Variants in CREB5 observed in about 807,000 individuals in gnomAD.
CREB5 encodes cyclic AMP-responsive element-binding protein 5.
CREB5 carries 19 observed loss-of-function variants against 57.1 expected under a neutral mutation model. The observed-to-expected ratio is 0.33, with a 90% CI of 0.23 to 0.49. The LOEUF is 0.49. CREB5 is among the 20% of genes least tolerant of loss of function. The pLI is 0.99. For missense variants in CREB5, 579 were observed against 671.6 expected (o/e 0.86, Z 1.52); for synonymous variants, 238 against 238.3 (o/e 1.00, Z 0.01).
intron 4 of CREB5, among the ~76,000 whole-genome samples, chr7:28,560,929 CGTGT>C (rs1425241012): frequency 0.013 from 407 of 30,304 alleles, 26 homozygotes; most frequent in Admixed American, 0.042. Flanking sequence ...TGTGCGCGTG[CGTGT>C]GTGCGTGCGT....
intron 5 of CREB5, among the ~76,000 whole-genome samples, chr7:28,676,523 G>A (rs1800329750): frequency 6.6e-6 from 1 of 152,146 alleles, no homozygotes; most frequent in Admixed American, 6.5e-5. Context: ...TTTTGGGTCT[G>A]TGGATAGACT....
At chr7:28,609,563 A>G (rs1279605785) in intron 5 of CREB5, among the ~76,000 whole-genome samples, 1 of 152,232 alleles carries the variant, frequency 6.6e-6, no homozygotes, top group East Asian at 1.9e-4. Flanking sequence ...TCTTCAGCTT[A>G]AAGACAACTG....
In CREB5 at chr7:28,504,286, A is replaced by C. The variant is rs552718107; in HGVS notation, c.170-3330A>C. 3.7e-4 allele frequency among the ~76,000 whole-genome samples: 56 copies of C among 152,334 alleles called. 1 individual carries two copies. The South Asian group carries it at 0.012, about 32-fold the overall frequency. On this transcript the variant is annotated intron_variant, in intron 3 of 10. Coordinates refer to ENST00000357727, the MANE Select transcript of CREB5 (RefSeq NM_182898.4). ...GACCTGAAGATGGTGTGCAATCTCCATGGCCATAAATTAAAATTCTTGTAA... is the reference window on the plus strand; with the variant it reads ...GACCTGAAGATGGTGTGCAATCTCCCTGGCCATAAATTAAAATTCTTGTAA...
intron 5 of CREB5, among the ~76,000 whole-genome samples, chr7:28,643,754 G>GGC (rs923779501): frequency 6.5e-5 from 6 of 91,612 alleles, no homozygotes; most frequent in Admixed American, 1.3e-4. Context: ...TGGGAGGTGG[G>GGC]GGGGGGCGGA....
At chr7:28,472,364 C>A (rs1790860016) in intron 1 of CREB5, among the ~76,000 whole-genome samples, 1 of 152,020 alleles carries the variant, frequency 6.6e-6, no homozygotes, top group Non-Finnish European at 1.5e-5. Context: ...TGTGTATATG[C>A]TCATTTAATC....
chr7:28,777,022 T>C (rs1019205018), intron 7 of CREB5, among the ~76,000 whole-genome samples: 9 of 152,344 alleles, frequency 5.9e-5, no homozygotes, highest in Admixed American at 5.2e-4. Context: ...GCACAAGTTT[T>C]TATGTGAACA....
At chr7:28,476,507 CTA>C (rs972256880) in intron 1 of CREB5, among the ~76,000 whole-genome samples, 1 of 151,514 alleles carries the variant, frequency 6.6e-6, no homozygotes, top group African/African-American at 2.4e-5. Context: ...TCTATATCAC[CTA>C]TAGTCTCTTT....
At chr7:28,800,582 G>GT (rs1393167171) in intron 7 of CREB5, among the ~76,000 whole-genome samples, 2 of 152,212 alleles carry the variant, frequency 1.3e-5, no homozygotes, top group African/African-American at 4.8e-5. Context: ...TAGGGGAAAT[G>GT]TAAGTGTCAG....
intron 5 of CREB5, among the ~76,000 whole-genome samples, chr7:28,664,312 C>T (rs1246597139): frequency 6.6e-6 from 1 of 152,204 alleles, no homozygotes; most frequent in East Asian, 1.9e-4. Context: ...AGAGCCAATT[C>T]AGCCCTTCAA....
At chr7:28,429,425 T>C (rs1788630280) in intron 1 of CREB5, among the ~76,000 whole-genome samples, 1 of 152,232 alleles carries the variant, frequency 6.6e-6, no homozygotes, top group Non-Finnish European at 1.5e-5. Context: ...ATCTGGCACA[T>C]GGCAGACACT....
chr7:28,463,039 C>A (rs1023829469), intron 1 of CREB5, among the ~76,000 whole-genome samples: 4 of 152,150 alleles, frequency 2.6e-5, no homozygotes, highest in Non-Finnish European at 4.4e-5. Context: ...TCTATGATTT[C>A]TTCTAAGAGT....
chr7:28,803,148 G>C (rs978057541), intron 7 of CREB5, among the ~76,000 whole-genome samples: 32 of 152,186 alleles, frequency 2.1e-4, no homozygotes, highest in African/African-American at 7.0e-4. Flanking sequence ...TTTTGTGTTA[G>C]AAATACATCT....
At chr7:28,772,765 C>T (rs1806397389) in intron 7 of CREB5, among the ~76,000 whole-genome samples, 1 of 152,168 alleles carries the variant, frequency 6.6e-6, no homozygotes, top group Non-Finnish European at 1.5e-5. Flanking sequence ...CTTGTCCAGG[C>T]TCACTCAGGT....
In CREB5 at chr7:28,435,280, C is replaced by T. The variant is rs537838323; in HGVS notation, c.3+22363C>T. Among the ~76,000 whole-genome samples the T allele has an allele frequency of 2.0e-5, 3 of 151,874 alleles. No individual in the cohort carries two copies. The South Asian group carries it at 6.2e-4, about 32-fold the overall frequency. On this transcript the variant is annotated intron_variant, in intron 1 of 10. Transcript: ENST00000357727. ...AGGAGGGGGGTGGATCGTTAAAAGCCTTGTGTGGGCTTGTGAAAATTCAGT... is the reference window on the plus strand; with the variant it reads ...AGGAGGGGGGTGGATCGTTAAAAGCTTTGTGTGGGCTTGTGAAAATTCAGT...
intron 5 of CREB5, among the ~76,000 whole-genome samples, chr7:28,668,561 G>A (rs898987275): frequency 1.3e-5 from 2 of 151,892 alleles, no homozygotes; most frequent in African/African-American, 4.8e-5. Context: ...AAAAAATACT[G>A]ATTTAATCTT....
intron 1 of CREB5, among the ~76,000 whole-genome samples, chr7:28,330,401 C>CTTTTTTTTTTTTT (rs10699932): frequency 5.1e-4 from 45 of 88,514 alleles, no homozygotes; most frequent in African/African-American, 7.3e-4. Flanking sequence ...GAGAACCTTA[C>CTTTTTTTTTTTTT]TTTTTTTTTT....
At chr7:28,379,874 G>A (rs1414561459) in intron 1 of CREB5, among the ~76,000 whole-genome samples, 1 of 152,194 alleles carries the variant, frequency 6.6e-6, no homozygotes, top group Non-Finnish European at 1.5e-5. Context: ...AAATTCTGCA[G>A]GAGGAGTTCG....
At chr7:28,315,186 C>T (rs79860088) in intron 1 of CREB5, among the ~76,000 whole-genome samples, 1,907 of 152,328 alleles carry the variant, frequency 0.013, 11 homozygotes, top group African/African-American at 0.018. Context: ...GCAACGACTT[C>T]CTGTGGGCAC....
chr7:28,359,742 G>T (rs1434235057), intron 1 of CREB5, among the ~76,000 whole-genome samples: 1 of 152,108 alleles, frequency 6.6e-6, no homozygotes, highest in Admixed American at 6.6e-5. Flanking sequence ...AACTTAAAAA[G>T]CTTCTGTACA....
Sources: gnomAD v4.1 joint callset for allele counts (sites outside exome capture counted in the v4.1 genomes callset) on GRCh38, gnomAD v4.1.1 for gene constraint, MANE v1.5 for transcripts, NCBI Gene and HGNC (gene_info 2026-07-23, HGNC 2026-07-21) for gene names.